Variants in DAB1 observed in about 807,000 individuals in gnomAD.
DAB1 encodes the protein DAB adaptor protein 1, also known as disabled homolog 1.
DAB1 carries 15 observed loss-of-function variants against 64.6 expected under a neutral mutation model. The observed-to-expected ratio is 0.23, with a 90% confidence interval of 0.16 to 0.36. DAB1 has a LOEUF of 0.36. Among genes scored for constraint, DAB1 ranks in the 10% least tolerant of loss-of-function variants. DAB1 has a pLI of 1.00. For missense variants in DAB1, 596 were observed against 706.7 expected (o/e 0.84, Z 1.78); for synonymous variants, 235 against 251.9 (o/e 0.93, Z 0.64).
At chr1:57,324,785 A>G (rs1467096248) in intron 1 of DAB1, among the ~76,000 whole-genome samples, 1 of 151,058 alleles carries the variant, frequency 6.6e-6, no homozygotes, top group South Asian at 2.1e-4. Context: ...GCTGCCTAGC[A>G]CTCTCCATTT....
chr1:58,427,293 C>A (rs890729165), intron 3 of DAB1, among the ~76,000 whole-genome samples: 1 of 152,056 alleles, frequency 6.6e-6, no homozygotes, highest in Non-Finnish European at 1.5e-5. Context: ...TTGGATAGAA[C>A]CTTAAGGCCC....
At chr1:57,424,267 C>G (rs1449380684), upstream of DAB1, among the ~76,000 whole-genome samples, 4 of 151,448 alleles carry the variant, frequency 2.6e-5, no homozygotes, top group African/African-American at 9.7e-5. Flanking sequence ...CCGGGGCGCT[C>G]TCTGCGCAGC....
At chr1:57,731,169 C>A (rs1647396332) in intron 6 of DAB1, among the ~76,000 whole-genome samples, 1 of 152,124 alleles carries the variant, frequency 6.6e-6, no homozygotes, top group Non-Finnish European at 1.5e-5. Context: ...AGACAAGCTA[C>A]TACATAGATG....
chr1:58,068,484 G>A (rs958874637), intron 5 of DAB1, among the ~76,000 whole-genome samples: 1 of 152,108 alleles, frequency 6.6e-6, no homozygotes, highest in East Asian at 1.9e-4. Flanking sequence ...CACCATGATC[G>A]CCTGGGCATG....
chr1:58,462,758 G>A (rs1645256401), intron 3 of DAB1: 1 of 152,096 alleles, frequency 6.6e-6, no homozygotes, highest in Non-Finnish European at 1.5e-5. Flanking sequence ...GTAACCTCAG[G>A]CTGTTCATTT....
intron 5 of DAB1, among the ~76,000 whole-genome samples, chr1:58,114,021 C>T (rs896167566): frequency 4.0e-5 from 6 of 149,370 alleles, no homozygotes; most frequent in Admixed American, 6.7e-5. Context: ...TCCAGGTGGG[C>T]GGATTACTTG....
At chr1:57,682,480 G>A (rs1042923656) in intron 6 of DAB1, among the ~76,000 whole-genome samples, 3 of 151,422 alleles carry the variant, frequency 2.0e-5, no homozygotes, top group African/African-American at 7.3e-5. Flanking sequence ...GACAAAACAT[G>A]GAGAGTGGAT....
At chr1:57,407,377 AAG>A (rs745530402) in intron 1 of DAB1, among the ~76,000 whole-genome samples, 2 of 152,204 alleles carry the variant, frequency 1.3e-5, no homozygotes, top group Non-Finnish European at 2.9e-5. Context: ...AACGGAAGCA[AAG>A]AGAGAGTTCT....
intron 5 of DAB1, among the ~76,000 whole-genome samples, chr1:57,963,918 G>A (rs113712884): frequency 0.012 from 1,876 of 152,308 alleles, 40 homozygotes; most frequent in African/African-American, 0.043. Context: ...ACTACAGGAA[G>A]AAAGAACATA....
intron 2 of DAB1, among the ~76,000 whole-genome samples, chr1:57,271,156 C>T (rs568351517): frequency 4.6e-5 from 7 of 152,300 alleles, no homozygotes; most frequent in African/African-American, 1.4e-4. Flanking sequence ...GGTGCCAGCT[C>T]AGCTCATTAA....
At chr1:57,415,418 A>C (rs555296438) in intron 1 of DAB1, among the ~76,000 whole-genome samples, 1 of 152,340 alleles carries the variant, frequency 6.6e-6, no homozygotes, top group Non-Finnish European at 1.5e-5. Flanking sequence ...GAAACAAGAC[A>C]TAAAAAGTGC....
chr1:58,126,473 T>C (rs1653095556), intron 5 of DAB1, among the ~76,000 whole-genome samples: 2 of 151,072 alleles, frequency 1.3e-5, no homozygotes, highest in Non-Finnish European at 2.9e-5. Flanking sequence ...TTTTTTATTA[T>C]ACTTTAAGTT....
chr1:57,653,093 C>G (rs1342370544), intron 6 of DAB1, among the ~76,000 whole-genome samples: 1 of 152,142 alleles, frequency 6.6e-6, no homozygotes, highest in African/African-American at 2.4e-5. Context: ...ATAATTATAA[C>G]AAAAACTTAT....
At chr1:57,720,454 T>C (rs3118022) in intron 6 of DAB1, among the ~76,000 whole-genome samples, 9,869 of 152,276 alleles carry the variant, frequency 0.065, 1,044 homozygotes, top group African/African-American at 0.22. Flanking sequence ...AACAGGGAAG[T>C]GTTCCCAAGG....
intron 3 of DAB1, among the ~76,000 whole-genome samples, chr1:58,505,618 TA>T (rs958215102): frequency 3.3e-5 from 5 of 151,916 alleles, no homozygotes; most frequent in Non-Finnish European, 1.5e-5. Flanking sequence ...TTTTTTTTCC[TA>T]AAAAAACAAA....
At chr1:57,732,868 A>G (rs1270523307) in intron 6 of DAB1, among the ~76,000 whole-genome samples, 1 of 152,178 alleles carries the variant, frequency 6.6e-6, no homozygotes, top group Non-Finnish European at 1.5e-5. Flanking sequence ...TACCTTTATG[A>G]CTTGTGAAGA....
At chr1:57,433,404 T>G (rs1487483992) in intron 7 of DAB1, among the ~76,000 whole-genome samples, 2 of 151,990 alleles carry the variant, frequency 1.3e-5, no homozygotes, top group African/African-American at 4.8e-5. Flanking sequence ...GTCACTTGAT[T>G]TTTTTTTGAA....
intron 3 of DAB1, among the ~76,000 whole-genome samples, chr1:58,420,620 C>T (rs1189588433): frequency 1.3e-5 from 2 of 152,178 alleles, no homozygotes; most frequent in South Asian, 2.1e-4. Flanking sequence ...CTTTTATAAC[C>T]TATTGTCAGA....
chr1:57,221,096 A>G (rs930363272), intron 2 of DAB1, among the ~76,000 whole-genome samples: 4 of 152,212 alleles, frequency 2.6e-5, no homozygotes, highest in African/African-American at 7.2e-5. Flanking sequence ...TGTCCTTTGT[A>G]GAGACATGGA....
Sources: allele counts gnomAD v4.1 joint callset (sites outside exome capture counted in the v4.1 genomes callset), GRCh38; gene constraint gnomAD v4.1.1; transcripts MANE v1.5; gene names NCBI Gene and HGNC (gene_info 2026-07-23, HGNC 2026-07-21).